The following FAM107B variants were observed in gnomAD, a reference collection of about 807,000 sequenced individuals.
The protein encoded by FAM107B is protein FAM107B.
Under a neutral mutation model 31.5 loss-of-function variants are expected in FAM107B, and 21 were observed. That is an observed-to-expected ratio of 0.67 (90% CI 0.47 to 0.96). FAM107B has a LOEUF of 0.96. Ranked by LOEUF, FAM107B falls within the 40% of genes least tolerant of loss-of-function variation. The pLI is 0.00. For synonymous variants in FAM107B, 157 were observed against 141.5 expected, an observed-to-expected ratio of 1.11 and a Z score of -0.78; for missense variants, 452 against 377.1, an observed-to-expected ratio of 1.20 and a Z score of -1.64.
At chr10:14,572,232 C>T in intron 2 of FAM107B, 1 of 985,470 alleles carries the variant, frequency 1.0e-6, no homozygotes. Flanking sequence ...TACTGACCTT[C>T]CAGACCAAGA....
chr10:14,610,265 C>G (rs1852695213), intron 2 of FAM107B, among the ~76,000 whole-genome samples: 1 of 152,096 alleles, frequency 6.6e-6, no homozygotes, highest in Admixed American at 6.5e-5. Flanking sequence ...ATGGCATCAA[C>G]CCGGGAGGCA....
chr10:14,734,672 T>C (rs956836087), intron 1 of FAM107B, among the ~76,000 whole-genome samples: 1 of 152,100 alleles, frequency 6.6e-6, no homozygotes, highest in Non-Finnish European at 1.5e-5. Flanking sequence ...CACACCTCCA[T>C]TGCTCAAGCG....
At chr10:14,648,091 T>G (rs1018912038) in intron 2 of FAM107B, among the ~76,000 whole-genome samples, 2 of 152,170 alleles carry the variant, frequency 1.3e-5, no homozygotes, top group Admixed American at 6.5e-5. Flanking sequence ...CTTTTACTAA[T>G]TCAATTAAAA....
At chr10:14,549,779 T>C (rs1286626800) in intron 2 of FAM107B, among the ~76,000 whole-genome samples, 1 of 152,050 alleles carries the variant, frequency 6.6e-6, no homozygotes, top group Non-Finnish European at 1.5e-5. Flanking sequence ...CGAAGTGATC[T>C]CCCCACAGGA....
At chr10:14,727,414 T>C (rs1164957222) in intron 1 of FAM107B, among the ~76,000 whole-genome samples, 2 of 152,214 alleles carry the variant, frequency 1.3e-5, no homozygotes, top group Admixed American at 6.5e-5. Context: ...TACAATGTGT[T>C]CCAGCCTGGA....
At chr10:14,537,226 C>G (rs959102974) in intron 2 of FAM107B, among the ~76,000 whole-genome samples, 1 of 152,184 alleles carries the variant, frequency 6.6e-6, no homozygotes, top group South Asian at 2.1e-4. Flanking sequence ...AAAGCACACC[C>G]CAAAAGCAGC....
chr10:14,617,954 ACT>A (rs1307066539), intron 2 of FAM107B, among the ~76,000 whole-genome samples: 1 of 152,080 alleles, frequency 6.6e-6, no homozygotes, highest in East Asian at 1.9e-4. Context: ...AGTAAGATTT[ACT>A]CTTTTTAGTC....
chr10:14,771,886 C>A (rs550700865), intron 1 of FAM107B, among the ~76,000 whole-genome samples: 5 of 152,174 alleles, frequency 3.3e-5, no homozygotes, highest in Non-Finnish European at 4.4e-5. Flanking sequence ...CCTAAATCCT[C>A]AAACACTACA....
intron 2 of FAM107B, among the ~76,000 whole-genome samples, chr10:14,594,524 A>C (rs1454690624): frequency 2.0e-5 from 3 of 151,996 alleles, no homozygotes; most frequent in African/African-American, 7.2e-5. Flanking sequence ...AAAACAAAAA[A>C]AAACAAAACT....
At chr10:14,697,097 T>C (rs1295493997) in intron 1 of FAM107B, among the ~76,000 whole-genome samples, 1 of 152,188 alleles carries the variant, frequency 6.6e-6, no homozygotes, top group Non-Finnish European at 1.5e-5. Flanking sequence ...TGCACGCTTT[T>C]TGGCTCAAAG....
At chr10:14,559,766 A>G (rs1258128265) in intron 2 of FAM107B, among the ~76,000 whole-genome samples, 5 of 149,472 alleles carry the variant, frequency 3.3e-5, no homozygotes, top group African/African-American at 1.2e-4. Context: ...TATTTTTAGT[A>G]GAGACGGGGT....
At chr10:14,586,489 G>C (rs1158565203) in intron 2 of FAM107B, among the ~76,000 whole-genome samples, 1 of 152,122 alleles carries the variant, frequency 6.6e-6, no homozygotes, top group Admixed American at 6.6e-5. Context: ...GTGGGGCTTA[G>C]GGGAAGTAAT....
chr10:14,686,970 C>G (rs1855004360), intron 1 of FAM107B, among the ~76,000 whole-genome samples: 1 of 152,230 alleles, frequency 6.6e-6, no homozygotes, highest in South Asian at 2.1e-4. Context: ...TATTTAATTA[C>G]AGTCATGTCA....
chr10:14,603,520 C>T (rs892963908), intron 2 of FAM107B, among the ~76,000 whole-genome samples: 16 of 152,192 alleles, frequency 1.1e-4, no homozygotes, highest in African/African-American at 3.9e-4. Context: ...CCTAATTCCT[C>T]TTGCAGATTT....
At chr10:14,642,263 G>C (rs1853646785) in intron 2 of FAM107B, among the ~76,000 whole-genome samples, 1 of 152,236 alleles carries the variant, frequency 6.6e-6, no homozygotes, top group Non-Finnish European at 1.5e-5. Flanking sequence ...GCTCCAGGCA[G>C]GGGCCCTGCC....
intron 2 of FAM107B, among the ~76,000 whole-genome samples, chr10:14,647,896 T>C (rs776667933): frequency 2.6e-5 from 4 of 151,772 alleles, no homozygotes; most frequent in Admixed American, 6.6e-5. Flanking sequence ...AACCAACTCA[T>C]ATATTCAAAT....
At chr10:14,580,832 T>C (rs1851611742) in intron 2 of FAM107B, among the ~76,000 whole-genome samples, 1 of 152,234 alleles carries the variant, frequency 6.6e-6, no homozygotes, top group Admixed American at 6.5e-5. Flanking sequence ...CCTAACTTCA[T>C]ACCAAGATGG....
intron 1 of FAM107B, among the ~76,000 whole-genome samples, chr10:14,741,223 T>C (rs565059736): frequency 1.6e-3 from 250 of 152,228 alleles, no homozygotes; most frequent in African/African-American, 5.9e-3. Flanking sequence ...AGCTGAGATA[T>C]TGAGCAGATT....
rs1427424217 is a variant in FAM107B, at chr10:14,520,188, G to A, written c.*1002C>T. On this transcript the variant is annotated 3_prime_UTR_variant, in exon 5 of 5. Transcript: ENST00000181796. ...ATGCATTATCATTAGACATTCAAATGCTATACATCTTCTGATGAAGCCTCC... is the reference window on the plus strand; with the variant it reads ...ATGCATTATCATTAGACATTCAAATACTATACATCTTCTGATGAAGCCTCC... 2 of 152,406 alleles carry A rather than the reference G, an allele frequency of 1.3e-5. No individual in the cohort carries two copies. Among genetic ancestry groups the A allele is most frequent in the African/African-American group, 4.8e-5 (2 of 41,450 alleles). 9.4% of individuals were successfully genotyped at this position (152,406 alleles called of 1,614,324 possible). A position where few individuals can be genotyped will look rare whatever the true frequency, so the allele number is the denominator to read the frequency against.
Sources: allele counts gnomAD v4.1 joint callset (sites outside exome capture counted in the v4.1 genomes callset), GRCh38; gene constraint gnomAD v4.1.1; transcripts MANE v1.5; gene names NCBI Gene and HGNC (gene_info 2026-07-23, HGNC 2026-07-21).